WASF1: variants seen among roughly 807,000 people sequenced by gnomAD.
The protein encoded by WASF1 is WASP family member 1.
Under a neutral mutation model 50.5 loss-of-function variants are expected in WASF1, and 7 were observed. The ratio of observed to expected loss-of-function variants is 0.14; its 90% CI spans 0.08 to 0.26. WASF1 has a LOEUF of 0.26. Ranked by LOEUF, WASF1 falls within the 10% of genes least tolerant of loss-of-function variation. The probability of loss-of-function intolerance (pLI) is 1.00; values close to 1 mark genes in which losing one functional copy is unlikely to be tolerated. For missense variants in WASF1, 470 were observed against 694.7 expected, an observed-to-expected ratio of 0.68 and a Z score of 3.64; for synonymous variants, 205 against 244.0, an observed-to-expected ratio of 0.84 and a Z score of 1.49.
chr6:110,139,650 C>T (rs1209008989), intron 3 of WASF1, among the ~76,000 whole-genome samples: 1 of 152,154 alleles, frequency 6.6e-6, no homozygotes, highest in Non-Finnish European at 1.5e-5. Context: ...GTCATTCCAT[C>T]TACACCACCA....
rs577856387 is a variant in WASF1 at position 110,113,922 on chromosome 6, T to C, written c.134-462A>G. Among the ~76,000 whole-genome samples the C allele has an allele frequency of 1.7e-3, 264 of 152,190 alleles. 1 individual carries two copies. Among genetic ancestry groups the C allele is most frequent in the Non-Finnish European group, 2.3e-3 (156 of 67,968 alleles). The stretch of plus-strand genomic sequence containing the variant: ...AAAATTTACACACAAAACAAAAACA[T>C]ACATAGTGCCATTCACAGTCAAGAG... On this transcript the variant is annotated intron_variant, in intron 4 of 10. Coordinates refer to ENST00000392589, the MANE Select transcript of WASF1 (RefSeq NM_003931.3).
intron 2 of WASF1, among the ~76,000 whole-genome samples, chr6:110,162,207 A>G (rs1271008190): frequency 2.0e-5 from 3 of 151,434 alleles, no homozygotes; most frequent in African/African-American, 7.3e-5. Context: ...TAGAATATAG[A>G]CAAATTCTGC....
chr6:110,106,431 G>A (rs189498990), intron 7 of WASF1, among the ~76,000 whole-genome samples: 8 of 152,338 alleles, frequency 5.3e-5, no homozygotes, highest in African/African-American at 1.9e-4. Context: ...ATAGCTACAG[G>A]AGAACCAGAG....
Position 110,133,588 on chromosome 6 carries a change from A to C in WASF1, c.-28-5959T>G, listed in dbSNP as rs138755317. 5.6e-3 allele frequency among the ~76,000 whole-genome samples: 857 copies of C among 152,228 alleles called. 9 individuals carry two copies. Among genetic ancestry groups the C allele is most frequent in the Non-Finnish European group, 8.3e-3 (567 of 68,006 alleles). On this transcript the variant is annotated intron_variant, in intron 3 of 10. Coordinates refer to ENST00000392589, the MANE Select transcript of WASF1 (RefSeq NM_003931.3). Reference sequence around the variant, plus strand: ...TTTTTTTTATTATGGCCATTCTTGCAGGAGCAAGGTGGTATTGTGGTTTTG... The same window carrying C: ...TTTTTTTTATTATGGCCATTCTTGCCGGAGCAAGGTGGTATTGTGGTTTTG...
chr6:110,146,642 A>G (rs1458225972), intron 3 of WASF1, among the ~76,000 whole-genome samples: 1 of 152,120 alleles, frequency 6.6e-6, no homozygotes, highest in African/African-American at 2.4e-5. Flanking sequence ...GTTATTGTTT[A>G]GAAGTGTATC....
intron 3 of WASF1, among the ~76,000 whole-genome samples, chr6:110,136,056 T>C (rs1191567439): frequency 2.0e-5 from 3 of 151,736 alleles, no homozygotes; most frequent in Admixed American, 1.3e-4. Flanking sequence ...GCTAATTTTT[T>C]TGTATTTTTA....
intron 2 of WASF1, among the ~76,000 whole-genome samples, chr6:110,175,814 A>G (rs1776904768): frequency 6.6e-6 from 1 of 152,216 alleles, no homozygotes; most frequent in Non-Finnish European, 1.5e-5. Flanking sequence ...GTCTAACACA[A>G]GAGTTACAGA....
At chr6:110,120,899 T>A (rs1356693394) in intron 4 of WASF1, among the ~76,000 whole-genome samples, 2 of 152,192 alleles carry the variant, frequency 1.3e-5, no homozygotes, top group Non-Finnish European at 2.9e-5. Context: ...TACAACCATC[T>A]GATCTTTGAC....
chr6:110,117,904 A>G (rs1476082977), intron 4 of WASF1, among the ~76,000 whole-genome samples: 1 of 152,206 alleles, frequency 6.6e-6, no homozygotes, highest in African/African-American at 2.4e-5. Context: ...TCTCATATCC[A>G]GCCAAACTAA....
chr6:110,113,250 T>C lies in WASF1; in HGVS notation c.268+76A>G, dbSNP rs760705899. 446 of 1,246,008 alleles carry C rather than the reference T, an allele frequency of 3.6e-4. 3 individuals carry two copies. The highest frequency in any genetic ancestry group is 8.6e-5 in the Non-Finnish European group (82 of 950,640). 77.2% of individuals were successfully genotyped at this position (1,246,008 alleles called of 1,614,324 possible). A position where few individuals can be genotyped will look rare whatever the true frequency, so the allele number is the denominator to read the frequency against. The stretch of plus-strand genomic sequence containing the variant: ...TGATCTGTAATAAATTCATGATTAA[T>C]ACTGTTAAGTATATCATTCATCTCA... On this transcript the variant is annotated intron_variant, in intron 5 of 10. Coordinates refer to ENST00000392589, the MANE Select transcript of WASF1 (RefSeq NM_003931.3).
intron 2 of WASF1, among the ~76,000 whole-genome samples, chr6:110,172,225 A>C (rs1448538710): frequency 2.0e-5 from 3 of 152,108 alleles, no homozygotes; most frequent in African/African-American, 2.4e-5. Flanking sequence ...TATAAAGACA[A>C]ATGCACACGT....
At chr6:110,163,336 C>T (rs935444526) in intron 2 of WASF1, among the ~76,000 whole-genome samples, 1 of 151,618 alleles carries the variant, frequency 6.6e-6, no homozygotes, top group South Asian at 2.1e-4. Flanking sequence ...ATTTATTTCT[C>T]ACAGTTCTGG....
At chr6:110,117,962 C>T (rs941158085) in intron 4 of WASF1, among the ~76,000 whole-genome samples, 2 of 152,056 alleles carry the variant, frequency 1.3e-5, no homozygotes, top group African/African-American at 4.8e-5. Flanking sequence ...CAAGCAAATG[C>T]TGAGAGATTT....
rs759125509 is a variant in WASF1 at position 110,102,045 on chromosome 6, T to A, written c.1065A>T (p.Pro355=). The change falls in exon 10 of 11, where the codon CCA becomes CCT. Residue 355 remains proline (P), a synonymous_variant. Transcript: ENST00000392589. ...TSTPPPPVPP[P]PPPPATALQA... is the part of the protein sequence containing the mutation. ...GCAAAGCAGTGGCTGGAGGTGGAGG[T>A]GGGGGAGGTACTGGAGGGGGAGGAG... 2 of 1,439,570 alleles carry A rather than the reference T, an allele frequency of 1.4e-6. No individual in the cohort carries two copies. 89.2% of individuals were successfully genotyped at this position (1,439,570 alleles called of 1,614,324 possible). A position where few individuals can be genotyped will look rare whatever the true frequency, so the allele number is the denominator to read the frequency against.
chr6:110,146,294 T>C (rs905846652), intron 3 of WASF1, among the ~76,000 whole-genome samples: 3 of 152,152 alleles, frequency 2.0e-5, no homozygotes, highest in Non-Finnish European at 4.4e-5. Flanking sequence ...GGGCAAATAC[T>C]TATTAAGAAA....
intron 4 of WASF1, among the ~76,000 whole-genome samples, chr6:110,120,261 C>G (rs556825150): frequency 6.6e-6 from 1 of 152,286 alleles, no homozygotes; most frequent in African/African-American, 2.4e-5. Flanking sequence ...CTCTTGTTTT[C>G]AGATGACATG....
chr6:110,144,306 G>C (rs943975127), intron 3 of WASF1, among the ~76,000 whole-genome samples: 7 of 152,010 alleles, frequency 4.6e-5, no homozygotes, highest in African/African-American at 1.7e-4. Context: ...TTGGTGATGG[G>C]GTTGTTTGTT....
chr6:110,133,943 T>C (rs114581413), intron 3 of WASF1, among the ~76,000 whole-genome samples: 9,663 of 152,294 alleles, frequency 0.063, 377 homozygotes, highest in African/African-American at 0.12. Flanking sequence ...CCTAAGCCAA[T>C]GTCTAGAAGG....
intron 3 of WASF1, among the ~76,000 whole-genome samples, chr6:110,160,015 TA>T (rs1045627398): frequency 2.0e-5 from 3 of 151,890 alleles, no homozygotes; most frequent in Non-Finnish European, 4.4e-5. Flanking sequence ...AGTATTAAAA[TA>T]ACCTTTTACA....
Sources: allele counts gnomAD v4.1 joint callset (sites outside exome capture counted in the v4.1 genomes callset), GRCh38; gene constraint gnomAD v4.1.1; transcripts MANE v1.5; gene names NCBI Gene and HGNC (gene_info 2026-07-23, HGNC 2026-07-21).